The following DLC1 variants were observed in gnomAD, a reference collection of about 807,000 sequenced individuals.
DLC1 encodes rho GTPase-activating protein 7.
A neutral mutation model predicts 140.3 loss-of-function variants in DLC1; 54 were observed. The observed-to-expected ratio is 0.38, with a 90% CI of 0.31 to 0.48. The LOEUF (loss-of-function observed/expected upper bound fraction) is 0.48, where lower values mean the gene tolerates loss of function less well. Among genes scored for constraint, DLC1 ranks in the 20% least tolerant of loss-of-function variants. The pLI, the probability that DLC1 is intolerant of heterozygous loss-of-function variation, is 0.96. For synonymous variants in DLC1, 986 were observed against 728.1 expected, an observed-to-expected ratio of 1.35 and a Z score of -5.70; for missense variants, 2,536 against 1,907.0, an observed-to-expected ratio of 1.33 and a Z score of -6.14.
intron 2 of DLC1, among the ~76,000 whole-genome samples, chr8:13,401,949 C>G (rs1177264706): frequency 1.3e-5 from 2 of 151,984 alleles, no homozygotes; most frequent in Non-Finnish European, 2.9e-5. Context: ...CTTCTTTTTT[C>G]AGAGTACAAA....
chr8:13,432,930 G>T (rs1375967873), intron 2 of DLC1, among the ~76,000 whole-genome samples: 1 of 148,938 alleles, frequency 6.7e-6, no homozygotes, highest in African/African-American at 2.5e-5. Flanking sequence ...GCTGGAGGAG[G>T]TTCCTCTCTT....
intron 5 of DLC1, among the ~76,000 whole-genome samples, chr8:13,193,724 T>C (rs1260534440): frequency 6.6e-6 from 1 of 152,176 alleles, no homozygotes; most frequent in African/African-American, 2.4e-5. Context: ...ATTCAACCTC[T>C]TTGAGTGCTT....
chr8:13,105,394 G>A lies in DLC1; in HGVS notation c.1503-2541C>T, dbSNP rs144582391. On this transcript the variant is annotated intron_variant, in intron 7 of 17. Coordinates refer to ENST00000276297, the MANE Select transcript of DLC1 (RefSeq NM_182643.3). ...CAGCTACACAAACGAGGCCTACTGCGGGCCAGGCACTATGCTAGGCACTTC... is the reference window on the plus strand; with the variant it reads ...CAGCTACACAAACGAGGCCTACTGCAGGCCAGGCACTATGCTAGGCACTTC... Among the ~76,000 whole-genome samples, 33 of 152,190 alleles carry A rather than the reference G, an allele frequency of 2.2e-4. 2 individuals are homozygous for A. In the East Asian group the frequency reaches 6.4e-3, roughly 29 times the overall value.
intron 4 of DLC1, among the ~76,000 whole-genome samples, chr8:13,364,397 C>G (rs1042154460): frequency 6.6e-6 from 1 of 151,642 alleles, no homozygotes; most frequent in Non-Finnish European, 1.5e-5. Context: ...CTCCCAGGTT[C>G]AAGCCAGTCT....
chr8:13,468,335 C>CTCCCCTCCCCT, intron 2 of DLC1, among the ~76,000 whole-genome samples: 1 of 107,740 alleles, frequency 9.3e-6, no homozygotes, highest in African/African-American at 3.3e-5. Context: ...TTCCCTTCCC[C>CTCCCCTCCCCT]CCATTCCCCT....
chr8:13,567,547 A>G, intron 1 of DLC1: 1 of 1,551,820 alleles, frequency 6.4e-7, no homozygotes, highest in Non-Finnish European at 8.7e-7. Flanking sequence ...GACAACGCCA[A>G]AACAGGAGGC....
Position 13,090,264 on chromosome 8 carries a change from C to A in DLC1, c.4062G>T (p.Leu1354=), listed in dbSNP as rs150834846. The change falls in exon 15 of 18, where the codon CTG becomes CTT. Residue 1354 remains leucine (L), a synonymous_variant. Transcript: ENST00000276297. ...GGTGAAGCCTTACCTTCTTATAGGA[C>A]AGCTCAGCCTGCTCCGAAGTGGAGT... ...VSYSTSEQAE[L]SYKKVSEGPP... is the part of the protein sequence containing the mutation. 1.7e-5 allele frequency: 27 copies of A among 1,613,904 alleles called. No individual in the cohort carries two copies. The highest frequency in any genetic ancestry group is 2.3e-5 in the Non-Finnish European group (27 of 1,179,976).
chr8:13,540,641 T>C (rs1803452277), intron 1 of DLC1, among the ~76,000 whole-genome samples: 1 of 152,230 alleles, frequency 6.6e-6, no homozygotes, highest in Admixed American at 6.5e-5. Flanking sequence ...ATCAATTTCC[T>C]ATTATCACCA....
rs138799331 is a variant in DLC1, at chr8:13,448,811, T to G, written c.1024-47192A>C. On this transcript the variant is annotated intron_variant, in intron 2 of 17. Coordinates refer to ENST00000276297, the MANE Select transcript of DLC1 (RefSeq NM_182643.3). Reference sequence around the variant, plus strand: ...GTTTTTGCACAGATTAGGTCATTTCTAATATACGGCCACAAATGTGTTATA... The same window carrying G: ...GTTTTTGCACAGATTAGGTCATTTCGAATATACGGCCACAAATGTGTTATA... 6.2e-3 allele frequency among the ~76,000 whole-genome samples: 943 copies of G among 152,164 alleles called. 13 individuals carry two copies. In the South Asian group the frequency reaches 0.062, roughly 10 times the overall value.
At chr8:13,251,922 A>G (rs1830024340) in intron 5 of DLC1, among the ~76,000 whole-genome samples, 1 of 152,216 alleles carries the variant, frequency 6.6e-6, no homozygotes, top group African/African-American at 2.4e-5. Context: ...TAATTTCTTA[A>G]TAATATACAT....
intron 1 of DLC1, 95 bp downstream of exon 1, chr8:13,514,507 G>A: frequency 2.5e-6 from 1 of 398,096 alleles, no homozygotes; most frequent in South Asian, 1.3e-4. Context: ...AACCTAGGAA[G>A]TCACCAACTC....
chr8:13,409,316 C>G (rs924507088), intron 2 of DLC1, among the ~76,000 whole-genome samples: 1 of 152,088 alleles, frequency 6.6e-6, no homozygotes, highest in Admixed American at 6.6e-5. Context: ...GATATACTCT[C>G]AATTAAGCCA....
chr8:13,239,491 C>T (rs534904197), intron 5 of DLC1, among the ~76,000 whole-genome samples: 1 of 152,132 alleles, frequency 6.6e-6, no homozygotes, highest in Non-Finnish European at 1.5e-5. Flanking sequence ...CACATAATTG[C>T]CAAGTGAGTG....
intron 5 of DLC1, among the ~76,000 whole-genome samples, chr8:13,119,601 T>A (rs930313656): frequency 6.6e-6 from 1 of 152,084 alleles, no homozygotes; most frequent in Non-Finnish European, 1.5e-5. Flanking sequence ...ATTACTAATA[T>A]CTCTGAGATA....
intron 1 of DLC1, among the ~76,000 whole-genome samples, chr8:13,554,915 G>A (rs529975317): frequency 6.6e-6 from 1 of 152,226 alleles, no homozygotes; most frequent in East Asian, 1.9e-4. Flanking sequence ...TACATGATTG[G>A]GTTTTCACTC....
chr8:13,090,109 TACTC>T, intron 15 of DLC1, 139 bp downstream of exon 15: 1 of 705,738 alleles, frequency 1.4e-6, no homozygotes, highest in Non-Finnish European at 2.3e-6. Context: ...ACGGGGATCT[TACTC>T]ACCCCGGTGC....
chr8:13,200,250 G>A (rs1442265747), intron 5 of DLC1, among the ~76,000 whole-genome samples: 2 of 151,830 alleles, frequency 1.3e-5, no homozygotes, highest in African/African-American at 4.8e-5. Flanking sequence ...TTTTAGTAGA[G>A]GCGGGGTTTC....
intron 5 of DLC1, among the ~76,000 whole-genome samples, chr8:13,207,869 C>T (rs1011631659): frequency 2.0e-5 from 3 of 152,076 alleles, no homozygotes; most frequent in Admixed American, 6.6e-5. Flanking sequence ...AGAAACCATG[C>T]TTTAGTGATT....
intron 1 of DLC1, among the ~76,000 whole-genome samples, chr8:13,579,639 A>T (rs60129705): frequency 1.5e-5 from 2 of 135,716 alleles, no homozygotes; most frequent in African/African-American, 5.6e-5. Flanking sequence ...TAATATATTT[A>T]ATATATTATA....
Sources: allele counts gnomAD v4.1 joint callset (sites outside exome capture counted in the v4.1 genomes callset), GRCh38; gene constraint gnomAD v4.1.1; transcripts MANE v1.5; gene names NCBI Gene and HGNC (gene_info 2026-07-23, HGNC 2026-07-21).